ITGB1: variants seen among roughly 807,000 people sequenced by gnomAD.
ITGB1 encodes integrin subunit beta 1, also known as integrin beta-1.
ITGB1 carries 24 observed loss-of-function variants against 86.5 expected under a neutral mutation model. The observed-to-expected ratio is 0.28, with a 90% confidence interval of 0.20 to 0.39. The LOEUF (loss-of-function observed/expected upper bound fraction) is 0.39. ITGB1 is among the 10% of genes least tolerant of loss of function. The probability of loss-of-function intolerance (pLI) is 1.00; values close to 1 mark genes in which losing one functional copy is unlikely to be tolerated. For missense variants in ITGB1, 556 were observed against 946.9 expected (o/e 0.59, Z 5.42); for synonymous variants, 323 against 316.8 (o/e 1.02, Z -0.21).
Position 32,928,263 on chromosome 10 carries a change from C to T in ITGB1, c.378G>A (p.Gly126=), listed in dbSNP as rs201723457. Residue 126 remains glycine, a splice_region_variant and synonymous_variant, in exon 5 of 16, where the codon GGG becomes GGA. Transcript: ENST00000302278. The stretch of plus-strand genomic sequence containing the variant: ...ATTTTAATGTAAATGTCTGTGGCTC[C>T]CCTAATTAGACAAGAGATTAGAAAA... The part of the protein sequence containing the change: ...PQQLVLRLRS[G]EPQTFTLKFK... 5 of 854,840 alleles carry T rather than the reference C, an allele frequency of 5.8e-6. No individual in the cohort carries two copies. Among genetic ancestry groups the T allele is most frequent in the South Asian group, 4.2e-5 (3 of 70,664 alleles). 53.0% of individuals were successfully genotyped at this position (854,840 alleles called of 1,614,324 possible). A position where few individuals can be genotyped will look rare whatever the true frequency, so the allele number is the denominator to read the frequency against.
At chr10:32,905,923 A>G (rs72784062) in intron 15 of ITGB1, among the ~76,000 whole-genome samples, 11,635 of 152,258 alleles carry the variant, frequency 0.076, 654 homozygotes, top group South Asian at 0.26. Flanking sequence ...TCTAATCACA[A>G]TTAACCTTTG....
At chr10:32,930,650 A>C (rs542735506) in intron 3 of ITGB1, among the ~76,000 whole-genome samples, 4 of 152,230 alleles carry the variant, frequency 2.6e-5, no homozygotes, top group Non-Finnish European at 5.9e-5. Flanking sequence ...AACTTTTAAA[A>C]AGCAAAATAG....
intron 1 of ITGB1, among the ~76,000 whole-genome samples, chr10:32,952,905 C>T (rs1406096892): frequency 6.6e-6 from 1 of 152,192 alleles, no homozygotes; most frequent in Non-Finnish European, 1.5e-5. Flanking sequence ...TCTATTCAAA[C>T]TTCTATTGTA....
Position 32,921,242 on chromosome 10 carries a change from C to A in ITGB1, c.1129-857G>T, listed in dbSNP as rs140326053. On this transcript the variant is annotated intron_variant, in intron 9 of 15. Transcript: ENST00000302278. ...GTTTAACATATGAGACTATTCAGGACAAATGGAGAAGGGTACAATGGCAAG... is the reference window on the plus strand; with the variant it reads ...GTTTAACATATGAGACTATTCAGGAAAAATGGAGAAGGGTACAATGGCAAG... Among the ~76,000 whole-genome samples the A allele has an allele frequency of 5.8e-3, 881 of 150,716 alleles. 8 individuals carry two copies. The highest frequency in any genetic ancestry group is 0.02 in the African/African-American group (839 of 41,046).
intron 5 of ITGB1, among the ~76,000 whole-genome samples, chr10:32,927,435 G>A (rs796327659): frequency 6.6e-6 from 1 of 152,142 alleles, no homozygotes; most frequent in Non-Finnish European, 1.5e-5. Flanking sequence ...GGCTGTACGG[G>A]CAGGTGCAGA....
intron 2 of ITGB1, among the ~76,000 whole-genome samples, chr10:32,934,889 T>C (rs1302784289): frequency 6.6e-6 from 1 of 152,206 alleles, no homozygotes; most frequent in Non-Finnish European, 1.5e-5. Flanking sequence ...TCCTGCTTCA[T>C]TTTTACTACT....
chr10:32,915,157 T>C (rs1407595345), intron 11 of ITGB1, among the ~76,000 whole-genome samples: 1 of 152,160 alleles, frequency 6.6e-6, no homozygotes, highest in African/African-American at 2.4e-5. Flanking sequence ...CTGGGACACA[T>C]TTAAAGCAGT....
Position 32,927,530 on chromosome 10 carries a change from G to A in ITGB1, c.547+564C>T, listed in dbSNP as rs576906409. On this transcript the variant is annotated intron_variant, in intron 5 of 15. Transcript: ENST00000302278. ...ATAAGGGCCAGGCATGGTGGCTCAC[G>A]CCTGTAGTCCCAATACTCTGGGAGG... Among the ~76,000 whole-genome samples, 9 of 152,278 alleles carry A rather than the reference G, an allele frequency of 5.9e-5. No homozygotes were observed. In the South Asian group the frequency reaches 1.2e-3, roughly 21 times the overall value.
intron 15 of ITGB1, among the ~76,000 whole-genome samples, chr10:32,907,550 G>T (rs866763758): frequency 6.6e-6 from 1 of 152,082 alleles, no homozygotes; most frequent in African/African-American, 2.4e-5. Context: ...ACATAGTTCT[G>T]TGAGTTTTCA....
At chr10:32,955,311 A>G (rs994911414) in intron 1 of ITGB1, among the ~76,000 whole-genome samples, 1 of 152,162 alleles carries the variant, frequency 6.6e-6, no homozygotes, top group African/African-American at 2.4e-5. Flanking sequence ...TCCACCCACA[A>G]CCTAACAGAT....
intron 1 of ITGB1, among the ~76,000 whole-genome samples, chr10:32,950,962 C>A (rs1386871868): frequency 1.3e-5 from 2 of 152,092 alleles, no homozygotes; most frequent in Non-Finnish European, 2.9e-5. Flanking sequence ...TTATCACCAC[C>A]CAATCTACAA....
At chr10:32,945,138 G>A in intron 1 of ITGB1, 1 of 339,556 alleles carries the variant, frequency 2.9e-6, no homozygotes, top group Non-Finnish European at 5.6e-6. Flanking sequence ...ATTTTATTCT[G>A]GATACTGAGG....
chr10:32,921,653 C>A (rs1318225640), intron 9 of ITGB1, among the ~76,000 whole-genome samples: 2 of 152,112 alleles, frequency 1.3e-5, no homozygotes, highest in South Asian at 4.1e-4. Flanking sequence ...GAATTATGCT[C>A]AAAAAGGATA....
intron 2 of ITGB1, among the ~76,000 whole-genome samples, chr10:32,934,764 T>C (rs1011322095): frequency 2.0e-5 from 3 of 152,244 alleles, no homozygotes; most frequent in African/African-American, 7.2e-5. Context: ...CTATACACAT[T>C]AATGAAGTGG....
intron 1 of ITGB1, among the ~76,000 whole-genome samples, chr10:32,952,255 T>C (rs905557250): frequency 6.6e-6 from 1 of 152,232 alleles, no homozygotes; most frequent in Non-Finnish European, 1.5e-5. Context: ...TTACCAAATT[T>C]GCTTCTTGTT....
rs570294204 is a variant in ITGB1, at chr10:32,944,302, G to A, written c.1-8744C>T. On this transcript the variant is annotated intron_variant, in intron 1 of 15. Coordinates refer to ENST00000302278, the MANE Select transcript of ITGB1 (RefSeq NM_002211.4). ...GCCACAGTCCCCGCCCACTAGCAGCGCTGCCAGCTGGCTGGGCCTGGGCGG... is the reference window on the plus strand; with the variant it reads ...GCCACAGTCCCCGCCCACTAGCAGCACTGCCAGCTGGCTGGGCCTGGGCGG... 6.7e-4 allele frequency among the ~76,000 whole-genome samples: 102 copies of A among 152,350 alleles called. 1 individual carries two copies. The highest frequency in any genetic ancestry group is 2.3e-3 in the African/African-American group (94 of 41,584).
Position 32,912,120 on chromosome 10 carries a change from T to C in ITGB1, c.1474A>G (p.Asn492Asp). 3 of 1,610,050 alleles carry C rather than the reference T, an allele frequency of 1.9e-6. No individual in the cohort carries two copies. Among genetic ancestry groups the C allele is most frequent in the Non-Finnish European group, 2.5e-6 (3 of 1,177,458 alleles). Residue 492 changes from asparagine to aspartate, a missense_variant, in exon 12 of 16, where the codon AAT becomes GAT. Physicochemically the swap from Asn to Asp is conservative, Grantham distance 23 (BLOSUM62 1). Transcript: ENST00000302278. ...GTFECGACRC[N>D]EGRVGRHCEC... ...CAATGTCTACCAACACGCCCTTCATTGCACCTGAAGAAACATGCCAAAATT... is the reference window on the plus strand; with the variant it reads ...CAATGTCTACCAACACGCCCTTCATCGCACCTGAAGAAACATGCCAAAATT...
At chr10:32,932,741 C>A in intron 2 of ITGB1, 141 bp from the exon 3 acceptor site, 1 of 566,308 alleles carries the variant, frequency 1.8e-6, no homozygotes, top group Non-Finnish European at 3.2e-6. Flanking sequence ...CTAGACCTTC[C>A]CCAAAGAGAG....
At chr10:32,934,001 A>C (rs1341406984) in intron 2 of ITGB1, among the ~76,000 whole-genome samples, 1 of 152,188 alleles carries the variant, frequency 6.6e-6, no homozygotes, top group Non-Finnish European at 1.5e-5. Context: ...ACACATATAC[A>C]CATACTGTAC....
Sources: gnomAD v4.1 joint callset for allele counts (sites outside exome capture counted in the v4.1 genomes callset) on GRCh38, gnomAD v4.1.1 for gene constraint, MANE v1.5 for transcripts, NCBI Gene and HGNC (gene_info 2026-07-23, HGNC 2026-07-21) for gene names.